The following ZFP2 variants were observed in gnomAD, a reference collection of about 807,000 sequenced individuals.
The protein encoded by ZFP2 is ZFP2 zinc finger protein, also known as zinc finger protein ZFP2.
Under a neutral mutation model 36.1 loss-of-function variants are expected in ZFP2, and 33 were observed. The ratio of observed to expected loss-of-function variants is 0.92; its 90% confidence interval spans 0.69 to 1.22. The LOEUF is 1.22. Among genes scored for constraint, ZFP2 ranks in the 50% most tolerant of loss-of-function variants. The pLI, the probability that ZFP2 is intolerant of heterozygous loss-of-function variation, is 0.00. For missense variants in ZFP2, 522 were observed against 551.4 expected (o/e 0.95, Z 0.53); for synonymous variants, 170 against 178.0 (o/e 0.96, Z 0.36).
At chr5:178,925,744 G>A in intron 4 of ZFP2, among the ~76,000 whole-genome samples, 1 of 149,502 alleles carries the variant, frequency 6.7e-6, no homozygotes, top group South Asian at 2.1e-4. Flanking sequence ...AGTGGGCTTG[G>A]TGTTTCATAA....
intron 1 of ZFP2, among the ~76,000 whole-genome samples, chr5:178,911,443 C>G (rs2113080817): frequency 6.6e-6 from 1 of 152,246 alleles, no homozygotes; most frequent in East Asian, 1.9e-4. Context: ...CTACCTTCGC[C>G]ACCCCTGAGA....
chr5:178,931,846 G>C lies in ZFP2; in HGVS notation c.533G>C (p.Arg178Pro). ...AGCATGAATCTTACTGTCCATCAAC[G>C]AACTCACACCGGAGAGAAACCCTAT... ...SQSMNLTVHQ[R>P]THTGEKPYQC... is the part of the protein sequence containing the mutation. The change falls in exon 5 of 5, where the codon CGA becomes CCA. Residue 178 changes from arginine to proline, a missense_variant. Arg to Pro is a moderately radical substitution (Grantham distance 103). Transcript: ENST00000361362. 1 of 1,612,580 alleles carries C rather than the reference G, an allele frequency of 6.2e-7. No homozygotes were observed. The highest frequency in any genetic ancestry group is 8.5e-7 in the Non-Finnish European group (1 of 1,178,832).
At chr5:178,896,970 A>C (rs1381116279) in intron 1 of ZFP2, among the ~76,000 whole-genome samples, 2 of 152,036 alleles carry the variant, frequency 1.3e-5, no homozygotes, top group African/African-American at 2.4e-5. Flanking sequence ...CATTTTAATG[A>C]GTGTGAGGGA....
rs147284765 is a variant in ZFP2, at chr5:178,901,207, CT to C, written c.-450+5236del. Among the ~76,000 whole-genome samples, 54 of 152,274 alleles carry C rather than the reference CT, an allele frequency of 3.5e-4. No individual in the cohort carries two copies. In the East Asian group the frequency reaches 0.01, roughly 29 times the overall value. ...ATACCTAGGTCAAGTGTACATTTGA[CT>C]TTGTAACAAACAGCTAAACTGTTTT... On this transcript the variant is annotated intron_variant, in intron 1 of 4. Transcript: ENST00000361362.
At chr5:178,899,255 G>A (rs1276268674) in intron 1 of ZFP2, among the ~76,000 whole-genome samples, 1 of 152,122 alleles carries the variant, frequency 6.6e-6, no homozygotes, top group Non-Finnish European at 1.5e-5. Flanking sequence ...GTCATAATAG[G>A]AATTACAGCA....
At position 178,931,910 on chromosome 5, in the gene ZFP2, ATC is replaced by A. The variant is rs1561686917; in HGVS notation, c.601_602del (p.Leu201TyrfsTer4). 6.2e-7 allele frequency: 1 copy of A among 1,613,984 alleles called. No homozygotes were observed. On this transcript the variant is annotated frameshift_variant, in exon 5 of 5. Transcript: ENST00000361362. LOFTEE classifies it high-confidence loss of function. ...GTGGCAAAGCCTTCCATAAGAATTC[ATC>A]TCTTATTCAGCATGAAAGGATTCAT... The part of the protein sequence containing the change: ...ECGKAFHKNS[S>X]LIQHERIHTG...
At chr5:178,927,664 TGTGTGTG>T (rs1174593317) in intron 4 of ZFP2, among the ~76,000 whole-genome samples, 1 of 75,704 alleles carries the variant, frequency 1.3e-5, no homozygotes, top group African/African-American at 6.6e-5. Context: ...ACCTGGCCAA[TGTGTGTG>T]TGTGTGTGTG....
rs993886809 is a variant in ZFP2 at position 178,931,380 on chromosome 5, G to A, written c.67G>A (p.Gly23Arg). 3.7e-6 allele frequency: 6 copies of A among 1,613,832 alleles called. No individual in the cohort carries two copies. Among genetic ancestry groups the A allele is most frequent in the Middle Eastern group, 1.6e-4 (1 of 6,082 alleles). The change falls in exon 5 of 5, where the codon GGA (glycine) becomes AGA (arginine). Residue 23 changes from glycine (G) to arginine (R), a missense_variant. Transcript: ENST00000361362. The part of the protein sequence containing the change: ...ETWEPNNWLE[G>R]QQDSHLSQVG... ...CTGGGAACCTAATAATTGGTTAGAG[G>A]GACAACAGGATAGTCATCTGAGCCA...
At position 178,931,786 on chromosome 5, in the gene ZFP2, A is replaced by G. The variant is rs1355166117; in HGVS notation, c.473A>G (p.Tyr158Cys). 3 of 1,614,032 alleles carry G rather than the reference A, an allele frequency of 1.9e-6. No homozygotes were observed. The African/African-American group carries it at 4.0e-5, about 22-fold the overall frequency. ...AGAATTCATACTGGAGAGAAACCCT[A>G]TAAATGTAATGAATGTGGGAAAGCC... ...HQRIHTGEKP[Y>C]KCNECGKAFS... Residue 158 changes from tyrosine to cysteine, a missense_variant, in exon 5 of 5, where the codon TAT becomes TGT. Transcript: ENST00000361362.
At position 178,933,110 on chromosome 5, in the gene ZFP2, G is replaced by C. The variant is rs148924532; in HGVS notation, c.*411G>C. ...ACTTGCCTACTTCCACCAGGTTATGGTTCTTTATTTGGTAAATGAATGATT... is the reference window on the plus strand; with the variant it reads ...ACTTGCCTACTTCCACCAGGTTATGCTTCTTTATTTGGTAAATGAATGATT... On this transcript the variant is annotated 3_prime_UTR_variant, in exon 5 of 5. Coordinates refer to ENST00000361362, the MANE Select transcript of ZFP2 (RefSeq NM_030613.4). 5.8e-6 allele frequency: 1 copy of C among 173,288 alleles called. No homozygotes were observed. The highest frequency in any genetic ancestry group is 1.9e-4 in the East Asian group (1 of 5,350). The allele number at this position is 173,288 out of a possible 1,614,324, so 10.7% of individuals were successfully genotyped here. A position where few individuals can be genotyped will look rare whatever the true frequency, so the allele number is the denominator to read the frequency against.
intron 1 of ZFP2, chr5:178,910,288 T>C: frequency 1.5e-6 from 2 of 1,347,022 alleles, no homozygotes; most frequent in Non-Finnish European, 2.1e-6. Context: ...AAGTGCTCCA[T>C]GCCTTCCTCC....
Position 178,932,711 on chromosome 5 carries a change from A to G in ZFP2, c.*12A>G, listed in dbSNP as rs752744930. 7.6e-6 allele frequency: 12 copies of G among 1,572,316 alleles called. No individual in the cohort carries two copies. The South Asian group carries it at 1.4e-4, about 19-fold the overall frequency. On this transcript the variant is annotated 3_prime_UTR_variant, in exon 5 of 5. Transcript: ENST00000361362. ...GAACTCATACGTGAGGAATGTTTTC[A>G]CTGGCCCTTACCTCATGATTAACTC...
In ZFP2 at chr5:178,910,630, A is replaced by G. The variant is rs1397924739; in HGVS notation, c.-449-1954A>G. 10 of 403,782 alleles carry G rather than the reference A, an allele frequency of 2.5e-5. No homozygotes were observed. The East Asian group carries it at 5.8e-4, about 23-fold the overall frequency. 25.0% of individuals were successfully genotyped at this position (403,782 alleles called of 1,614,324 possible). A position where few individuals can be genotyped will look rare whatever the true frequency, so the allele number is the denominator to read the frequency against. ...TGGTACTGGTGTCCCGGCCTCTAGA[A>G]TGGCCCCCTCTGGATCAGTTGCCCT... On this transcript the variant is annotated intron_variant, in intron 1 of 4. Transcript: ENST00000361362.
At chr5:178,913,709 A>T (rs1758351671) in intron 3 of ZFP2, among the ~76,000 whole-genome samples, 1 of 151,038 alleles carries the variant, frequency 6.6e-6, no homozygotes, top group African/African-American at 2.4e-5. Flanking sequence ...ATGCTCCTTT[A>T]TCTTTGTTAT....
intron 4 of ZFP2, among the ~76,000 whole-genome samples, chr5:178,925,150 CATAT>C (rs1217706133): frequency 1.3e-4 from 11 of 81,838 alleles, no homozygotes; most frequent in African/African-American, 4.3e-4. Context: ...CACACACACA[CATAT>C]ATATACACAT....
intron 1 of ZFP2, among the ~76,000 whole-genome samples, chr5:178,903,078 T>C (rs918570173): frequency 2.6e-5 from 4 of 152,216 alleles, no homozygotes; most frequent in Non-Finnish European, 5.9e-5. Context: ...CACTTGGAAC[T>C]GTACAGTAGA....
At chr5:178,910,184 CT>C in intron 1 of ZFP2, 1 of 1,551,300 alleles carries the variant, frequency 6.4e-7, no homozygotes, top group Non-Finnish European at 8.9e-7. Context: ...CATCAAAAAT[CT>C]TTCTGGTGAA....
chr5:178,908,103 T>C (rs956687220), intron 1 of ZFP2, among the ~76,000 whole-genome samples: 2 of 152,186 alleles, frequency 1.3e-5, no homozygotes, highest in African/African-American at 4.8e-5. Context: ...TGGAAATTAA[T>C]GCAGTGTGAT....
chr5:178,931,582 T>C lies in ZFP2; in HGVS notation c.269T>C (p.Ile90Thr). The change falls in exon 5 of 5, where the codon ATT (isoleucine) becomes ACT (threonine). Residue 90 changes from isoleucine to threonine, a missense_variant. Transcript: ENST00000361362. ...GEDATQNSEL[I>T]KTQRMFVGKK... ...GATGCCACACAAAATTCTGAGTTAA[T>C]TAAAACTCAAAGAATGTTTGTAGGA... 6.2e-7 allele frequency: 1 copy of C among 1,614,142 alleles called. No individual in the cohort carries two copies.
Sources: allele counts gnomAD v4.1 joint callset (sites outside exome capture counted in the v4.1 genomes callset), GRCh38; gene constraint gnomAD v4.1.1; transcripts MANE v1.5; gene names NCBI Gene and HGNC (gene_info 2026-07-23, HGNC 2026-07-21).